The following AGBL1 variants were observed in gnomAD, a reference collection of about 807,000 sequenced individuals.
AGBL1 encodes cytosolic carboxypeptidase 4.
Under a neutral mutation model 118.9 loss-of-function variants are expected in AGBL1, and 130 were observed. That is an observed-to-expected ratio of 1.09 (90% CI 0.95 to 1.26). The LOEUF (loss-of-function observed/expected upper bound fraction) is 1.26. AGBL1 is among the 50% of genes most tolerant of loss of function. AGBL1 has a pLI of 0.00. For missense variants in AGBL1, 1,584 were observed against 1,298.1 expected (o/e 1.22, Z -3.38); for synonymous variants, 555 against 478.9 (o/e 1.16, Z -2.08).
At chr15:86,263,678 T>G (rs1256398873) in intron 10 of AGBL1, among the ~76,000 whole-genome samples, 4 of 152,234 alleles carry the variant, frequency 2.6e-5, no homozygotes, top group Admixed American at 2.6e-4. Context: ...GACCTGGTGA[T>G]GCTAATTCTG....
intron 16 of AGBL1, among the ~76,000 whole-genome samples, chr15:86,290,109 G>T (rs928259672): frequency 6.6e-6 from 1 of 151,888 alleles, no homozygotes; most frequent in African/African-American, 2.4e-5. Context: ...TTCCTCCCTT[G>T]TACATCTCTT....
At chr15:86,838,271 A>T (rs1251058727) in intron 22 of AGBL1, among the ~76,000 whole-genome samples, 1 of 152,182 alleles carries the variant, frequency 6.6e-6, no homozygotes, top group African/African-American at 2.4e-5. Context: ...ATATAAAAAG[A>T]CAAATCACTG....
chr15:86,157,311 T>G (rs2077205771), intron 4 of AGBL1, among the ~76,000 whole-genome samples: 1 of 152,148 alleles, frequency 6.6e-6, no homozygotes, highest in South Asian at 2.1e-4. Context: ...AAAGAGGAAC[T>G]GTGGCTTTAT....
chr15:86,891,669 G>T (rs1424682705), intron 22 of AGBL1, among the ~76,000 whole-genome samples: 1 of 151,860 alleles, frequency 6.6e-6, no homozygotes. Context: ...CATTGGTAAA[G>T]TGAAAAACTG....
intron 24 of AGBL1, among the ~76,000 whole-genome samples, chr15:87,001,412 C>T (rs1271366321): frequency 2.0e-5 from 3 of 151,898 alleles, no homozygotes; most frequent in Non-Finnish European, 2.9e-5. Context: ...TCCAAGTCTT[C>T]GCTATTGTGA....
chr15:86,260,181 T>A (rs1013789447), intron 9 of AGBL1, among the ~76,000 whole-genome samples: 1 of 152,178 alleles, frequency 6.6e-6, no homozygotes, highest in Non-Finnish European at 1.5e-5. Context: ...GAAAACTGGA[T>A]TTTCCCTGGG....
At chr15:86,331,533 A>T (rs765187751) in intron 17 of AGBL1, among the ~76,000 whole-genome samples, 1 of 152,056 alleles carries the variant, frequency 6.6e-6, no homozygotes, top group African/African-American at 2.4e-5. Context: ...TGAAGAAAAA[A>T]CCTTAAAGGC....
chr15:86,475,648 C>T (rs909535470), intron 18 of AGBL1, among the ~76,000 whole-genome samples: 27 of 152,194 alleles, frequency 1.8e-4, no homozygotes, highest in African/African-American at 6.3e-4. Flanking sequence ...GGAAAACACT[C>T]GGCAGGATAT....
Position 86,499,503 on chromosome 15 carries a change from G to A in AGBL1, c.2556-23307G>A, listed in dbSNP as rs920198847. Among the ~76,000 whole-genome samples the A allele has an allele frequency of 4.6e-5, 7 of 151,968 alleles. No individual in the cohort carries two copies. The East Asian group carries it at 1.4e-3, about 30-fold the overall frequency. ...AGTTTCCAAAGCAAGAATCAAATCTGTGGAAAGGATTACCACAAAGAGGTT... is the reference window on the plus strand; with the variant it reads ...AGTTTCCAAAGCAAGAATCAAATCTATGGAAAGGATTACCACAAAGAGGTT... On this transcript the variant is annotated intron_variant, in intron 18 of 22. Coordinates refer to ENST00000614907, the MANE Select transcript of AGBL1 (RefSeq NM_001386094.1).
rs2081349446 is a variant in AGBL1, at chr15:86,993,110, G to C, written c.3323+5022G>C. Reference sequence around the variant, plus strand: ...AGTGATATAATATTTGACATAAATAGTTTCAGAGTATCAACATTGTGCTCT... The same window carrying C: ...AGTGATATAATATTTGACATAAATACTTTCAGAGTATCAACATTGTGCTCT... On this transcript the variant is annotated intron_variant, in intron 24 of 24. Coordinates refer to the AGBL1 transcript ENST00000441037. Among the ~76,000 whole-genome samples, 3 of 152,174 alleles carry C rather than the reference G, an allele frequency of 2.0e-5. No homozygotes were observed. In the South Asian group the frequency reaches 6.2e-4, roughly 32 times the overall value.
intron 19 of AGBL1, 115 bp downstream of exon 19, chr15:86,523,054 A>G: frequency 3.9e-6 from 5 of 1,267,666 alleles, no homozygotes; most frequent in Non-Finnish European, 5.6e-6. Flanking sequence ...ATGTATGACA[A>G]GATAGAATGG....
At chr15:86,457,278 AT>A (rs1358023549) in intron 18 of AGBL1, among the ~76,000 whole-genome samples, 2 of 152,024 alleles carry the variant, frequency 1.3e-5, no homozygotes, top group Admixed American at 1.3e-4. Flanking sequence ...AACAAACTCC[AT>A]TTTTTTTGTG....
intron 22 of AGBL1, among the ~76,000 whole-genome samples, chr15:86,708,427 C>A (rs1440251038): frequency 6.6e-6 from 1 of 152,114 alleles, no homozygotes; most frequent in Non-Finnish European, 1.5e-5. Flanking sequence ...TCACCAGAAG[C>A]AGAACCCTGC....
At chr15:86,249,762 C>A (rs1394536544) in intron 7 of AGBL1, among the ~76,000 whole-genome samples, 1 of 152,096 alleles carries the variant, frequency 6.6e-6, no homozygotes, top group African/African-American at 2.4e-5. Flanking sequence ...AAACAATAAA[C>A]AAAACAAACA....
intron 5 of AGBL1, among the ~76,000 whole-genome samples, chr15:86,159,259 C>T (rs369232868): frequency 8.5e-5 from 13 of 152,060 alleles, no homozygotes; most frequent in Admixed American, 2.0e-4. Context: ...CTTTTTCAGA[C>T]GAGCAAGTTA....
chr15:86,860,245 G>A (rs78022555), intron 22 of AGBL1, among the ~76,000 whole-genome samples: 2,133 of 152,086 alleles, frequency 0.014, 56 homozygotes, highest in African/African-American at 0.048. Flanking sequence ...AGGAGATGAC[G>A]CATGCATGGC....
intron 17 of AGBL1, among the ~76,000 whole-genome samples, chr15:86,299,401 T>C (rs2079710972): frequency 6.6e-6 from 1 of 151,982 alleles, no homozygotes; most frequent in South Asian, 2.1e-4. Context: ...TGAATAGGCG[T>C]TGGGCAGTTA....
intron 6 of AGBL1, among the ~76,000 whole-genome samples, chr15:86,235,881 A>G (rs1259506459): frequency 6.6e-6 from 1 of 152,188 alleles, no homozygotes; most frequent in East Asian, 1.9e-4. Flanking sequence ...TTGCTGCTGA[A>G]CATCCTACAA....
intron 21 of AGBL1, among the ~76,000 whole-genome samples, chr15:86,633,646 C>T (rs2085017562): frequency 6.6e-6 from 1 of 151,588 alleles, no homozygotes; most frequent in African/African-American, 2.4e-5. Flanking sequence ...AAAGATCATT[C>T]TCTGAAATAT....
Sources: gnomAD v4.1 joint callset for allele counts (sites outside exome capture counted in the v4.1 genomes callset) on GRCh38, gnomAD v4.1.1 for gene constraint, MANE v1.5 for transcripts, NCBI Gene and HGNC (gene_info 2026-07-23, HGNC 2026-07-21) for gene names.